PCCA: variants seen among roughly 807,000 people sequenced by gnomAD.
PCCA encodes propionyl-CoA carboxylase alpha chain, mitochondrial.
A neutral mutation model predicts 101.3 loss-of-function variants in PCCA; 74 were observed. The observed-to-expected ratio is 0.73, with a 90% CI of 0.61 to 0.89. PCCA has a LOEUF of 0.89. PCCA is among the 40% of genes least tolerant of loss of function. The pLI, the probability that PCCA is intolerant of heterozygous loss-of-function variation, is 0.00. For synonymous variants in PCCA, 294 were observed against 313.6 expected (o/e 0.94, Z 0.66); for missense variants, 891 against 907.0 (o/e 0.98, Z 0.23).
chr13:100,467,295 C>T (rs1386499678), intron 21 of PCCA, among the ~76,000 whole-genome samples: 1 of 152,168 alleles, frequency 6.6e-6, no homozygotes, highest in Admixed American at 6.5e-5. Flanking sequence ...AGACACCAGC[C>T]ACTTAACGGG....
At chr13:100,192,658 G>T (rs1471028621) in intron 6 of PCCA, among the ~76,000 whole-genome samples, 1 of 152,166 alleles carries the variant, frequency 6.6e-6, no homozygotes, top group Non-Finnish European at 1.5e-5. Flanking sequence ...AGTGAGCTGA[G>T]ATCACGCCAC....
chr13:100,384,924 A>G (rs2076417831), intron 19 of PCCA, among the ~76,000 whole-genome samples: 1 of 152,168 alleles, frequency 6.6e-6, no homozygotes, highest in South Asian at 2.1e-4. Context: ...CTTACAGTAC[A>G]TGACAAATGA....
intron 20 of PCCA, among the ~76,000 whole-genome samples, chr13:100,447,849 T>TCTAAC (rs1404180438): frequency 6.6e-6 from 1 of 152,212 alleles, no homozygotes; most frequent in Non-Finnish European, 1.5e-5. Flanking sequence ...TTCTTATTGA[T>TCTAAC]CTAACCTCCC....
rs77781624 is a variant in PCCA, at chr13:100,129,415, G to A, written c.300+17354G>A. ...TTTTAGTTCATAGGCTCTTTTTTCT[G>A]GTGAAAGTTAAAAATGTTTATTGCT... On this transcript the variant is annotated intron_variant, in intron 4 of 23. Coordinates refer to ENST00000376285, the MANE Select transcript of PCCA (RefSeq NM_000282.4). 5.5e-3 allele frequency among the ~76,000 whole-genome samples: 838 copies of A among 152,102 alleles called. 50 individuals carry two copies. The East Asian group carries it at 0.14, about 25-fold the overall frequency.
chr13:100,315,334 G>A (rs1453087149), intron 16 of PCCA, among the ~76,000 whole-genome samples: 5 of 151,778 alleles, frequency 3.3e-5, no homozygotes, highest in African/African-American at 1.2e-4. Context: ...GGAAGAGCAA[G>A]AACCCCCACT....
intron 19 of PCCA, 42 bp from the exon 20 acceptor site, chr13:100,425,591 T>C (rs1420779828): frequency 7.4e-7 from 1 of 1,352,626 alleles, no homozygotes; most frequent in East Asian, 2.3e-5. Context: ...ATCAGTTTTC[T>C]GTCTTTCTTC....
chr13:100,132,417 ACCT>A (rs1377086021), intron 4 of PCCA, among the ~76,000 whole-genome samples: 1 of 152,188 alleles, frequency 6.6e-6, no homozygotes, highest in African/African-American at 2.4e-5. Context: ...ACAGCGTGTA[ACCT>A]TTTGAGACTG....
chr13:100,330,359 C>G (rs1045414262), intron 16 of PCCA, among the ~76,000 whole-genome samples: 1 of 152,112 alleles, frequency 6.6e-6, no homozygotes, highest in African/African-American at 2.4e-5. Context: ...TTGGCAATAC[C>G]AAGCTTCTTA....
At chr13:100,182,899 C>T (rs2056929542) in intron 6 of PCCA, among the ~76,000 whole-genome samples, 1 of 152,170 alleles carries the variant, frequency 6.6e-6, no homozygotes, top group Non-Finnish European at 1.5e-5. Context: ...ACAAGGTCTA[C>T]AACTGAAGAG....
chr13:100,232,050 T>C (rs1441584629), intron 7 of PCCA, among the ~76,000 whole-genome samples: 2 of 151,966 alleles, frequency 1.3e-5, no homozygotes, highest in East Asian at 1.9e-4. Flanking sequence ...AGTGTAAGAG[T>C]TACTCTCTTA....
intron 20 of PCCA, among the ~76,000 whole-genome samples, chr13:100,439,354 T>G (rs1035193394): frequency 1.3e-5 from 2 of 152,140 alleles, no homozygotes; most frequent in Non-Finnish European, 2.9e-5. Flanking sequence ...ATTACAACCA[T>G]TTTTAAAACG....
At chr13:100,421,425 T>G (rs1222234668) in intron 19 of PCCA, among the ~76,000 whole-genome samples, 3 of 152,192 alleles carry the variant, frequency 2.0e-5, no homozygotes, top group Admixed American at 6.5e-5. Context: ...CTATTCTGTA[T>G]TTTCTTGAAA....
intron 21 of PCCA, among the ~76,000 whole-genome samples, chr13:100,494,497 A>T (rs1197273953): frequency 6.6e-6 from 1 of 151,796 alleles, no homozygotes; most frequent in East Asian, 2.0e-4. Context: ...CAGCCTGACC[A>T]ACATGGAGAA....
At chr13:100,145,943 T>A (rs763853165) in intron 4 of PCCA, among the ~76,000 whole-genome samples, 1 of 105,454 alleles carries the variant, frequency 9.5e-6, no homozygotes, top group East Asian at 2.3e-4. Flanking sequence ...ATAGTTTTGC[T>A]TTTTTTTTTT....
chr13:100,317,410 A>G (rs2067486810), intron 16 of PCCA, among the ~76,000 whole-genome samples: 1 of 152,174 alleles, frequency 6.6e-6, no homozygotes, highest in Non-Finnish European at 1.5e-5. Flanking sequence ...ATACCATCGA[A>G]TCTGCCTGCT....
chr13:100,210,816 A>G (rs748407527), intron 7 of PCCA, among the ~76,000 whole-genome samples: 70 of 152,308 alleles, frequency 4.6e-4, no homozygotes, highest in Non-Finnish European at 7.9e-4. Context: ...TTCATGCATT[A>G]GAGGACGATT....
intron 6 of PCCA, among the ~76,000 whole-genome samples, chr13:100,164,061 A>G (rs142720322): frequency 8.0e-4 from 122 of 152,302 alleles, no homozygotes; most frequent in African/African-American, 2.8e-3. Flanking sequence ...TTTCATCTGC[A>G]TGTATTATAA....
At chr13:100,265,991 T>G (rs565180708) in intron 10 of PCCA, among the ~76,000 whole-genome samples, 2 of 152,312 alleles carry the variant, frequency 1.3e-5, no homozygotes, top group Admixed American at 1.3e-4. Context: ...GAAATGCCCA[T>G]TAGATATCTA....
At chr13:100,344,598 G>A (rs1381473042) in intron 18 of PCCA, among the ~76,000 whole-genome samples, 2 of 152,104 alleles carry the variant, frequency 1.3e-5, no homozygotes, top group African/African-American at 4.8e-5. Flanking sequence ...GCTCCATAGA[G>A]CGCTAGTTTG....
Sources: gnomAD v4.1 joint callset for allele counts (sites outside exome capture counted in the v4.1 genomes callset) on GRCh38, gnomAD v4.1.1 for gene constraint, MANE v1.5 for transcripts, NCBI Gene and HGNC (gene_info 2026-07-23, HGNC 2026-07-21) for gene names.